Variants in ZNF385D observed in about 807,000 individuals in gnomAD.
The protein encoded by ZNF385D is zinc finger protein 659.
A neutral mutation model predicts 35.8 loss-of-function variants in ZNF385D; 15 were observed. The observed-to-expected ratio is 0.42, with a 90% CI of 0.28 to 0.64. The LOEUF is 0.64. Ranked by LOEUF, ZNF385D falls within the 30% of genes least tolerant of loss-of-function variation. The probability of loss-of-function intolerance (pLI) is 0.23; values close to 1 mark genes in which losing one functional copy is unlikely to be tolerated. For synonymous variants in ZNF385D, 212 were observed against 186.8 expected (o/e 1.13, Z -1.10); for missense variants, 474 against 494.6 (o/e 0.96, Z 0.39).
intron 3 of ZNF385D, among the ~76,000 whole-genome samples, chr3:22,041,507 T>G (rs1185484003): frequency 6.6e-6 from 1 of 152,170 alleles, no homozygotes; most frequent in Non-Finnish European, 1.5e-5. Context: ...ATTTTTAAAA[T>G]ACAGAATGTG....
intron 2 of ZNF385D, among the ~76,000 whole-genome samples, chr3:22,278,653 T>A (rs528831751): frequency 6.6e-6 from 1 of 152,138 alleles, no homozygotes; most frequent in Non-Finnish European, 1.5e-5. Context: ...AATTCAAATA[T>A]GTGTCATTCA....
intron 1 of ZNF385D, among the ~76,000 whole-genome samples, chr3:21,749,679 T>A (rs1359730394): frequency 2.6e-5 from 4 of 152,252 alleles, no homozygotes; most frequent in Non-Finnish European, 5.9e-5. Flanking sequence ...TTCAGCTATT[T>A]TAAGACTTCT....
chr3:22,247,389 T>A (rs774301793), intron 2 of ZNF385D, among the ~76,000 whole-genome samples: 49 of 152,202 alleles, frequency 3.2e-4, no homozygotes, highest in Non-Finnish European at 6.5e-4. Context: ...TTTTATACTA[T>A]GTGAAAAATT....
intron 3 of ZNF385D, among the ~76,000 whole-genome samples, chr3:21,915,817 C>T (rs913548032): frequency 1.3e-5 from 2 of 152,070 alleles, no homozygotes; most frequent in African/African-American, 4.8e-5. Flanking sequence ...TCAAGGCAAA[C>T]TGAGGGCTAG....
chr3:21,588,866 T>G (rs979190624), intron 2 of ZNF385D, among the ~76,000 whole-genome samples: 1 of 152,106 alleles, frequency 6.6e-6, no homozygotes, highest in Non-Finnish European at 1.5e-5. Flanking sequence ...CTCCAACAGA[T>G]CTGAAGCCTA....
At chr3:22,330,376 G>T (rs1204574925) in intron 2 of ZNF385D, among the ~76,000 whole-genome samples, 1 of 152,016 alleles carries the variant, frequency 6.6e-6, no homozygotes, top group African/African-American at 2.4e-5. Flanking sequence ...CTGTCTTAAA[G>T]GTAAAAATTA....
At chr3:21,778,775 C>A (rs1220320596) in intron 3 of ZNF385D, among the ~76,000 whole-genome samples, 2 of 151,844 alleles carry the variant, frequency 1.3e-5, no homozygotes, top group African/African-American at 4.8e-5. Context: ...TTACCCAAAT[C>A]AATAAGCCAC....
intron 1 of ZNF385D, among the ~76,000 whole-genome samples, chr3:21,670,134 A>G (rs1476625608): frequency 1.3e-5 from 2 of 152,146 alleles, no homozygotes; most frequent in African/African-American, 4.8e-5. Flanking sequence ...GCATCATTAA[A>G]ACATATATAT....
intron 3 of ZNF385D, among the ~76,000 whole-genome samples, chr3:21,812,615 G>A (rs1048628688): frequency 6.6e-6 from 1 of 152,222 alleles, no homozygotes; most frequent in African/African-American, 2.4e-5. Flanking sequence ...AGCAGTCCGA[G>A]ATCGAACTGC....
At chr3:21,729,752 G>A (rs1180005323) in intron 1 of ZNF385D, among the ~76,000 whole-genome samples, 2 of 152,166 alleles carry the variant, frequency 1.3e-5, no homozygotes, top group Non-Finnish European at 2.9e-5. Context: ...CCAGGGGGAT[G>A]ACATCCACTC....
At chr3:22,244,400 A>G (rs147233149) in intron 2 of ZNF385D, among the ~76,000 whole-genome samples, 1,579 of 148,916 alleles carry the variant, frequency 0.011, 93 homozygotes, top group African/African-American at 0.037. Flanking sequence ...AAATGAAAAC[A>G]TAAAACGCAG....
At chr3:21,574,357 T>A (rs555436949) in intron 2 of ZNF385D, among the ~76,000 whole-genome samples, 16 of 152,130 alleles carry the variant, frequency 1.1e-4, no homozygotes, top group Middle Eastern at 6.8e-3. Flanking sequence ...ATGACAAGGT[T>A]TCCTGAACAT....
At chr3:21,748,439 C>A (rs1172523920) in intron 1 of ZNF385D, among the ~76,000 whole-genome samples, 2 of 151,620 alleles carry the variant, frequency 1.3e-5, no homozygotes, top group Admixed American at 6.6e-5. Context: ...GGGTGGGGGG[C>A]AACACTGACA....
chr3:22,022,543 T>C (rs1697289903), intron 3 of ZNF385D, among the ~76,000 whole-genome samples: 1 of 151,976 alleles, frequency 6.6e-6, no homozygotes. Context: ...CCAAAGGAAA[T>C]CAAGAAAAAA....
intron 2 of ZNF385D, among the ~76,000 whole-genome samples, chr3:22,183,797 A>G (rs780856546): frequency 7.9e-5 from 12 of 152,048 alleles, no homozygotes; most frequent in Admixed American, 2.6e-4. Context: ...TGGAGGTCTT[A>G]GAACTATTAG....
chr3:21,563,818 CT>C (rs1407263284), intron 3 of ZNF385D, among the ~76,000 whole-genome samples: 2 of 152,266 alleles, frequency 1.3e-5, no homozygotes, highest in African/African-American at 4.8e-5. Context: ...TAGGACTTAA[CT>C]TCATATCAAA....
intron 1 of ZNF385D, among the ~76,000 whole-genome samples, chr3:21,706,178 G>T (rs2067891642): frequency 6.6e-6 from 1 of 152,048 alleles, no homozygotes; most frequent in South Asian, 2.1e-4. Context: ...AAACAGAACA[G>T]ATTTCAATGA....
intron 1 of ZNF385D, among the ~76,000 whole-genome samples, chr3:21,691,516 A>C (rs964838042): frequency 6.6e-6 from 1 of 152,034 alleles, no homozygotes; most frequent in Non-Finnish European, 1.5e-5. Context: ...TTTGTGCCCA[A>C]CCTTTTCTCC....
chr3:21,482,142 G>C (rs1167292894), intron 4 of ZNF385D, among the ~76,000 whole-genome samples: 1 of 152,052 alleles, frequency 6.6e-6, no homozygotes, highest in Non-Finnish European at 1.5e-5. Flanking sequence ...CTATCAGTCT[G>C]GGCTCTTTTG....
Sources: gnomAD v4.1 joint callset for allele counts (sites outside exome capture counted in the v4.1 genomes callset) on GRCh38, gnomAD v4.1.1 for gene constraint, MANE v1.5 for transcripts, NCBI Gene and HGNC (gene_info 2026-07-23, HGNC 2026-07-21) for gene names.